PRSS48: variants seen among roughly 807,000 people sequenced by gnomAD.
The protein encoded by PRSS48 is serine protease 48.
PRSS48 carries 21 observed loss-of-function variants against 25.6 expected under a neutral mutation model. The ratio of observed to expected loss-of-function variants is 0.82; its 90% CI spans 0.58 to 1.18. PRSS48 has a LOEUF of 1.18. Ranked by LOEUF, PRSS48 falls within the 50% of genes most tolerant of loss-of-function variation. The pLI, the probability that PRSS48 is intolerant of heterozygous loss-of-function variation, is 0.00. For missense variants in PRSS48, 373 were observed against 399.3 expected (o/e 0.93, Z 0.56); for synonymous variants, 150 against 149.3 (o/e 1.00, Z -0.04).
chr4:151,291,735 C>T (rs1163519764), downstream of PRSS48, among the ~76,000 whole-genome samples: 6 of 152,132 alleles, frequency 3.9e-5, no homozygotes, highest in South Asian at 1.0e-3. Context: ...TTTGTAGACA[C>T]AAATTAAATA....
At chr4:151,280,768 C>T (rs112824453) in intron 2 of PRSS48, among the ~76,000 whole-genome samples, 1 of 150,940 alleles carries the variant, frequency 6.6e-6, no homozygotes, top group African/African-American at 2.4e-5. Flanking sequence ...CCAGCCTGGG[C>T]GACAGAGTGA....
In PRSS48 at chr4:151,291,105, A is replaced by G; in HGVS notation, c.652-13A>G. On this transcript the variant is annotated splice_polypyrimidine_tract_variant and intron_variant, in intron 4 of 4. Transcript: ENST00000455694. ...CTTTTCACTATGCTCATTACCTTTCATTTCTTCCTTAGGGTGATTCTGGAG... is the reference window on the plus strand; with the variant it reads ...CTTTTCACTATGCTCATTACCTTTCGTTTCTTCCTTAGGGTGATTCTGGAG... 1 of 1,591,428 alleles carries G rather than the reference A, an allele frequency of 6.3e-7. No individual in the cohort carries two copies. Among genetic ancestry groups the G allele is most frequent in the South Asian group, 1.1e-5 (1 of 89,484 alleles).
At chr4:151,283,721 A>G (rs1774473385) in intron 4 of PRSS48, among the ~76,000 whole-genome samples, 1 of 151,954 alleles carries the variant, frequency 6.6e-6, no homozygotes, top group Admixed American at 6.6e-5. Context: ...ATGAGGTCTC[A>G]CTATGTTGCC....
chr4:151,291,198 T>C (rs373488314), exon 5 of PRSS48: 1 of 1,613,916 alleles, frequency 6.2e-7, no homozygotes, highest in South Asian at 1.1e-5. Flanking sequence ...GATTAGAATG[T>C]GGTAAATCTC....
At chr4:151,291,583 C>A (rs1264817102), downstream of PRSS48, 5 of 628,700 alleles carry the variant, frequency 8.0e-6, no homozygotes, top group Non-Finnish European at 8.3e-6. Flanking sequence ...ACTGTCACTT[C>A]TGTACATTCT....
chr4:151,290,688 A>C (rs944217500), intron 4 of PRSS48, among the ~76,000 whole-genome samples: 1 of 152,210 alleles, frequency 6.6e-6, no homozygotes, highest in Non-Finnish European at 1.5e-5. Flanking sequence ...ATGACAGTAA[A>C]GCTGTTACAA....
intron 2 of PRSS48, among the ~76,000 whole-genome samples, chr4:151,281,613 T>C (rs1051090663): frequency 6.6e-6 from 1 of 152,030 alleles, no homozygotes; most frequent in African/African-American, 2.4e-5. Context: ...GCTAAAAGAG[T>C]TGAAAGTCAT....
chr4:151,291,050 C>G (rs930150912), intron 4 of PRSS48, 68 bp from the exon 5 acceptor site: 2 of 1,237,464 alleles, frequency 1.6e-6, no homozygotes, highest in Non-Finnish European at 2.2e-6. Context: ...GAATTCTCCA[C>G]CCCTTATTAC....
At chr4:151,281,668 GTTAT>G (rs148514083) in intron 2 of PRSS48, among the ~76,000 whole-genome samples, 65,559 of 150,776 alleles carry the variant, frequency 0.43, 14,991 homozygotes, top group Non-Finnish European at 0.52. Flanking sequence ...CAGAGAACTT[GTTAT>G]TTATTTATTT....
chr4:151,282,274 C>T (rs376777805), exon 3 of PRSS48: 32 of 1,613,852 alleles, frequency 2.0e-5, no homozygotes, highest in East Asian at 8.9e-5. Flanking sequence ...CAACGGCAGA[C>T]GTCGCCTTGT....
exon 3 of PRSS48, chr4:151,282,380 G>C (rs1774332926): frequency 1.2e-6 from 2 of 1,613,760 alleles, no homozygotes; most frequent in African/African-American, 1.3e-5. Flanking sequence ...CTTTTGTTGG[G>C]TGACCGGATG....
chr4:151,291,315 A>G (rs1192995784), exon 5 of PRSS48: 2 of 1,613,658 alleles, frequency 1.2e-6, no homozygotes, highest in African/African-American at 1.3e-5. Context: ...CTATTGTCCT[A>G]CTCTCTCTGG....
chr4:151,285,594 T>TG (rs1774670723), intron 4 of PRSS48, among the ~76,000 whole-genome samples: 1 of 152,186 alleles, frequency 6.6e-6, no homozygotes, highest in Non-Finnish European at 1.5e-5. Flanking sequence ...TATCTGTAAA[T>TG]GCCTACGTTA....
At chr4:151,290,071 G>A (rs769814350) in intron 4 of PRSS48, among the ~76,000 whole-genome samples, 6 of 152,156 alleles carry the variant, frequency 3.9e-5, no homozygotes, top group Non-Finnish European at 5.9e-5. Context: ...TCAGCTTCCC[G>A]AGTGGTTGGG....
At chr4:151,289,620 G>A (rs1028391619) in intron 4 of PRSS48, among the ~76,000 whole-genome samples, 2 of 152,182 alleles carry the variant, frequency 1.3e-5, no homozygotes, top group African/African-American at 4.8e-5. Flanking sequence ...TGCAAATGTA[G>A]AGAAATTGGA....
chr4:151,277,252 C>A, intron 1 of PRSS48, 28 bp downstream of exon 1: 1 of 1,464,516 alleles, frequency 6.8e-7, no homozygotes. Context: ...GTTGAGAAGG[C>A]AGAGGCAGAG....
At chr4:151,279,851 A>G in exon 2 of PRSS48, 1 of 1,603,606 alleles carries the variant, frequency 6.2e-7, no homozygotes, top group Non-Finnish European at 8.5e-7. Context: ...ATGCTGCTGC[A>G]GGGCGCTGGC....
exon 5 of PRSS48, chr4:151,291,177 A>G (rs1403416174): frequency 6.2e-7 from 1 of 1,613,932 alleles, no homozygotes. Context: ...AGACAGGAGT[A>G]GTAAGCTGGG....
At chr4:151,279,995 C>A (rs747704048) in intron 2 of PRSS48, 37 bp downstream of exon 2, 10 of 1,296,024 alleles carry the variant, frequency 7.7e-6, no homozygotes, top group Non-Finnish European at 1.0e-5. Context: ...CAGACAGGTT[C>A]TCAGTGAATA....
Sources: allele counts gnomAD v4.1 joint callset (sites outside exome capture counted in the v4.1 genomes callset), GRCh38; gene constraint gnomAD v4.1.1; transcripts MANE v1.5; gene names NCBI Gene and HGNC (gene_info 2026-07-23, HGNC 2026-07-21).